ELAPOR1: variants seen among roughly 807,000 people sequenced by gnomAD.
The protein encoded by ELAPOR1 is endosome/lysosome-associated apoptosis and autophagy regulator 1.
In ELAPOR1, 77 loss-of-function variants were observed where a neutral mutation model predicts 119.7. The ratio of observed to expected loss-of-function variants is 0.64; its 90% CI spans 0.54 to 0.78. The LOEUF is 0.78. ELAPOR1 is among the 30% of genes least tolerant of loss of function. The pLI is 0.00. For missense variants in ELAPOR1, 1,115 were observed against 1,270.4 expected, an observed-to-expected ratio of 0.88 and a Z score of 1.86; for synonymous variants, 481 against 487.2, an observed-to-expected ratio of 0.99 and a Z score of 0.17.
intron 1 of ELAPOR1, among the ~76,000 whole-genome samples, chr1:109,133,236 A>T (rs1649259128): frequency 6.6e-6 from 1 of 152,202 alleles, no homozygotes; most frequent in Non-Finnish European, 1.5e-5. Flanking sequence ...TCTCAAAGAA[A>T]AAAAAGTACA....
intron 1 of ELAPOR1, among the ~76,000 whole-genome samples, chr1:109,145,650 T>A (rs1650133524): frequency 6.6e-6 from 1 of 151,934 alleles, no homozygotes; most frequent in Non-Finnish European, 1.5e-5. Context: ...AGCAAGAGAC[T>A]CTGTCTCAAA....
At chr1:109,115,208 A>G (rs537521467) in intron 1 of ELAPOR1, among the ~76,000 whole-genome samples, 1 of 152,338 alleles carries the variant, frequency 6.6e-6, no homozygotes, top group East Asian at 1.9e-4. Flanking sequence ...TGAAATAACA[A>G]TATTTGGTTG....
At chr1:109,184,576 A>G (rs1229144044) in intron 7 of ELAPOR1, among the ~76,000 whole-genome samples, 1 of 152,368 alleles carries the variant, frequency 6.6e-6, no homozygotes, top group Non-Finnish European at 1.5e-5. Context: ...TGAGTATGAA[A>G]GCAAAATCAT....
chr1:109,135,660 CT>C (rs1204429515), intron 1 of ELAPOR1, among the ~76,000 whole-genome samples: 1 of 152,196 alleles, frequency 6.6e-6, no homozygotes, highest in African/African-American at 2.4e-5. Flanking sequence ...AGTACAAGAG[CT>C]TTGAAGAAAG....
intron 1 of ELAPOR1, among the ~76,000 whole-genome samples, chr1:109,155,865 G>A (rs865939484): frequency 2.0e-5 from 3 of 152,214 alleles, no homozygotes; most frequent in Middle Eastern, 3.4e-3. Flanking sequence ...ATTTTTGGAC[G>A]GGTGTGGTGA....
intron 3 of ELAPOR1, among the ~76,000 whole-genome samples, chr1:109,167,048 A>G (rs1235240909): frequency 2.6e-5 from 4 of 152,210 alleles, no homozygotes. Flanking sequence ...GCATGACAAT[A>G]CTGGAGGCAG....
Position 109,173,598 on chromosome 1 carries a change from C to T in ELAPOR1, c.802+19C>T. 6 of 1,613,670 alleles carry T rather than the reference C, an allele frequency of 3.7e-6. No individual in the cohort carries two copies. The highest frequency in any genetic ancestry group is 5.1e-6 in the Non-Finnish European group (6 of 1,179,624). ...ATAACAGGTACTGAGAGCAGGGTTA[C>T]TGACTTCCTGGGCTGTTGACTTTGC... is the stretch of plus-strand genomic sequence containing the variant. On this transcript the variant is annotated intron_variant, in intron 6 of 21. Transcript: ENST00000369939.
intron 1 of ELAPOR1, among the ~76,000 whole-genome samples, chr1:109,129,074 T>C (rs922059810): frequency 6.7e-6 from 1 of 149,600 alleles, no homozygotes; most frequent in Admixed American, 6.6e-5. Flanking sequence ...GGCTCATGGG[T>C]CATTTGTCAT....
intron 1 of ELAPOR1, among the ~76,000 whole-genome samples, chr1:109,144,055 T>TATATATATATATA (rs1558029151): frequency 1.2e-4 from 8 of 64,354 alleles, no homozygotes; most frequent in African/African-American, 2.8e-4. Flanking sequence ...ATATATATAT[T>TATATATATATATA]TATATATTTT....
chr1:109,144,061 A>ATATTTTTTTTTTTTTTTTTTTTTTT, intron 1 of ELAPOR1, among the ~76,000 whole-genome samples: 8 of 88,992 alleles, frequency 9.0e-5, no homozygotes, highest in African/African-American at 1.4e-4. Context: ...ATATTTATAT[A>ATATTTTTTTTTTTTTTTTTTTTTTT]TTTTTTTTTT....
At chr1:109,154,003 C>A (rs913140447) in intron 1 of ELAPOR1, among the ~76,000 whole-genome samples, 2 of 151,838 alleles carry the variant, frequency 1.3e-5, no homozygotes, top group African/African-American at 4.8e-5. Context: ...GAAAAGGGGC[C>A]GGGTGCTGTG....
intron 1 of ELAPOR1, among the ~76,000 whole-genome samples, chr1:109,144,062 T>TATATA (rs1296463049): frequency 4.7e-4 from 17 of 36,524 alleles, no homozygotes; most frequent in African/African-American, 1.0e-3. Context: ...TATTTATATA[T>TATATA]TTTTTTTTTT....
rs1415424733 is a variant in ELAPOR1 at position 109,183,598 on chromosome 1, T to TTCCCTCCCTCCC, written c.953-1444_953-1443insCTCCCTCCCTCC. Among the ~76,000 whole-genome samples, 85 of 126,040 alleles carry TTCCCTCCCTCCC rather than the reference T, an allele frequency of 6.7e-4. 3 individuals carry two copies. Among genetic ancestry groups the TTCCCTCCCTCCC allele is most frequent in the South Asian group, 1.1e-3 (4 of 3,634 alleles). The allele number at this position is 126,040 out of a possible 152,430, so 82.7% of individuals were successfully genotyped here. On this transcript the variant is annotated intron_variant, in intron 7 of 21. Coordinates refer to ENST00000369939, the MANE Select transcript of ELAPOR1 (RefSeq NM_020775.5). ...CTTCCTTCCTTCCTTCCTTCCTTCC[T>TTCCCTCCCTCCC]TCCTTCCTTCCATCCTTCCCTCCTT... is the stretch of plus-strand genomic sequence containing the variant.
intron 14 of ELAPOR1, 93 bp from the exon 15 acceptor site, chr1:109,194,328 G>A (rs1444756243): frequency 9.7e-6 from 11 of 1,131,464 alleles, no homozygotes; most frequent in South Asian, 2.8e-5. Context: ...CCATTTGGGC[G>A]GGACCAGACG....
chr1:109,201,566 T>A (rs1654175175), intron 21 of ELAPOR1: 1 of 332,472 alleles, frequency 3.0e-6, no homozygotes, highest in African/African-American at 2.2e-5. Flanking sequence ...CTGAACCAGT[T>A]CATCCCAATA....
chr1:109,122,809 T>C (rs143416253), intron 1 of ELAPOR1, among the ~76,000 whole-genome samples: 17 of 152,134 alleles, frequency 1.1e-4, no homozygotes, highest in Non-Finnish European at 1.9e-4. Context: ...ATACAAAAAT[T>C]AGCTGGGCAT....
At chr1:109,117,598 A>G (rs901538128) in intron 1 of ELAPOR1, among the ~76,000 whole-genome samples, 8 of 152,184 alleles carry the variant, frequency 5.3e-5, no homozygotes, top group Admixed American at 1.3e-4. Context: ...CAAATTCCTG[A>G]TCTGTGAAAT....
At chr1:109,161,844 T>C in intron 1 of ELAPOR1, 50 bp from the exon 2 acceptor site, 1 of 1,572,842 alleles carries the variant, frequency 6.4e-7, no homozygotes, top group Non-Finnish European at 8.7e-7. Flanking sequence ...AAGCTGTTAA[T>C]GTTTGATCAC....
At chr1:109,160,007 T>A (rs1482076976) in intron 1 of ELAPOR1, among the ~76,000 whole-genome samples, 1 of 151,992 alleles carries the variant, frequency 6.6e-6, no homozygotes, top group Non-Finnish European at 1.5e-5. Flanking sequence ...GTCCTCAGAG[T>A]CTGAGATGAG....
Sources: allele counts gnomAD v4.1 joint callset (sites outside exome capture counted in the v4.1 genomes callset), GRCh38; gene constraint gnomAD v4.1.1; transcripts MANE v1.5; gene names NCBI Gene and HGNC (gene_info 2026-07-23, HGNC 2026-07-21).